The following PARL variants were observed in gnomAD, a reference collection of about 807,000 sequenced individuals.
PARL encodes presenilin associated rhomboid like.
In PARL, 44 loss-of-function variants were observed where a neutral mutation model predicts 51.6. That is an observed-to-expected ratio of 0.85 (90% CI 0.67 to 1.10). PARL has a LOEUF of 1.10. Ranked by LOEUF, PARL falls within the 50% of genes least tolerant of loss-of-function variation. The pLI is 0.00. For missense variants in PARL, 441 were observed against 469.5 expected (o/e 0.94, Z 0.56); for synonymous variants, 172 against 164.0 (o/e 1.05, Z -0.37).
intron 4 of PARL, among the ~76,000 whole-genome samples, chr3:183,852,107 T>C (rs1488744968): frequency 6.6e-6 from 1 of 152,110 alleles, no homozygotes; most frequent in African/African-American, 2.4e-5. Context: ...TAGTGAGCCA[T>C]GTTCATACAA....
chr3:183,833,433 G>A (rs1279582907), intron 9 of PARL, 59 bp downstream of exon 9: 3 of 1,004,450 alleles, frequency 3.0e-6, no homozygotes, highest in Non-Finnish European at 4.8e-6. Flanking sequence ...GTGAGGCTGG[G>A]GTAGGAGGAG....
downstream of PARL, among the ~76,000 whole-genome samples, chr3:183,828,339 A>T (rs369663228): frequency 1.3e-5 from 2 of 152,200 alleles, no homozygotes; most frequent in African/African-American, 2.4e-5. Flanking sequence ...TGGAAAACGC[A>T]TCTTGCCTCA....
At chr3:183,843,176 G>T (rs1227594848) in intron 5 of PARL, 3 of 981,298 alleles carry the variant, frequency 3.1e-6, no homozygotes, top group Non-Finnish European at 3.6e-6. Context: ...GAGTCACTAT[G>T]CCCAGCTTAA....
intron 1 of PARL, among the ~76,000 whole-genome samples, chr3:183,874,221 A>G (rs1343336597): frequency 6.6e-6 from 1 of 152,110 alleles, no homozygotes; most frequent in Non-Finnish European, 1.5e-5. Flanking sequence ...CAATGAACTT[A>G]ATAATGTTGT....
At chr3:183,881,921 G>A (rs1454026101) in intron 1 of PARL, among the ~76,000 whole-genome samples, 4 of 151,942 alleles carry the variant, frequency 2.6e-5, no homozygotes, top group Admixed American at 1.3e-4. Flanking sequence ...GATATTTTGA[G>A]GCTAGGCATG....
chr3:183,847,868 C>T (rs1471911888), intron 4 of PARL, among the ~76,000 whole-genome samples: 1 of 152,204 alleles, frequency 6.6e-6, no homozygotes, highest in Non-Finnish European at 1.5e-5. Flanking sequence ...GTTTCCTCCT[C>T]TCTCCTTTTC....
intron 1 of PARL, among the ~76,000 whole-genome samples, chr3:183,871,299 TA>T (rs2108689198): frequency 6.6e-6 from 1 of 152,190 alleles, no homozygotes; most frequent in Admixed American, 6.5e-5. Flanking sequence ...GGTGGTACTA[TA>T]TTCAAAGTAA....
chr3:183,871,415 A>C (rs2108689394), intron 1 of PARL, among the ~76,000 whole-genome samples: 2 of 151,982 alleles, frequency 1.3e-5, no homozygotes, highest in South Asian at 4.2e-4. Flanking sequence ...AAATGCTTGC[A>C]GTCATGGCAG....
chr3:183,874,945 G>A (rs552314441), intron 1 of PARL, among the ~76,000 whole-genome samples: 10 of 152,240 alleles, frequency 6.6e-5, no homozygotes, highest in African/African-American at 1.2e-4. Flanking sequence ...GGTGGCTTGC[G>A]CCTATAGTAC....
intron 9 of PARL, among the ~76,000 whole-genome samples, chr3:183,832,347 T>C (rs943930967): frequency 1.3e-5 from 2 of 151,592 alleles, no homozygotes; most frequent in Non-Finnish European, 2.9e-5. Context: ...GCCTCCCGAG[T>C]AGCTGGGACT....
At chr3:183,864,595 T>C (rs963012910) in intron 3 of PARL, among the ~76,000 whole-genome samples, 1 of 151,892 alleles carries the variant, frequency 6.6e-6, no homozygotes, top group Non-Finnish European at 1.5e-5. Flanking sequence ...GCTAACACGG[T>C]GAAACCCCGT....
intron 4 of PARL, 70 bp from the exon 5 acceptor site, chr3:183,844,396 C>A: frequency 1.0e-6 from 1 of 960,138 alleles, no homozygotes; most frequent in South Asian, 1.3e-5. Flanking sequence ...TACATTACCC[C>A]CTTGTAAGAT....
chr3:183,830,408 T>C (rs1727797318), intron 9 of PARL, among the ~76,000 whole-genome samples: 1 of 152,212 alleles, frequency 6.6e-6, no homozygotes, highest in Non-Finnish European at 1.5e-5. Flanking sequence ...TGGACTTTCC[T>C]GCAGCGTGTA....
rs1372511370 is a variant in PARL at position 183,830,995 on chromosome 3, TAGAC to T, written c.1029-1290_1029-1287del. On this transcript the variant is annotated intron_variant, in intron 9 of 9. Transcript: ENST00000317096. ...TGTTTTCCCAAATCTTTTTTGTTGTTAGACAGAGTCGCGCTCTGTTGCCCAGGCT... is the reference window on the plus strand; with the variant it reads ...TGTTTTCCCAAATCTTTTTTGTTGTTAGAGTCGCGCTCTGTTGCCCAGGCT... Among the ~76,000 whole-genome samples, 7 of 152,176 alleles carry T rather than the reference TAGAC, an allele frequency of 4.6e-5. 1 individual carries two copies. The highest frequency in any genetic ancestry group is 2.0e-4 in the Admixed American group (3 of 15,276).
At chr3:183,851,871 G>A (rs1730585743) in intron 4 of PARL, among the ~76,000 whole-genome samples, 1 of 152,046 alleles carries the variant, frequency 6.6e-6, no homozygotes, top group Non-Finnish European at 1.5e-5. Flanking sequence ...TAAAAAAAAG[G>A]AAAATAGGCC....
intron 9 of PARL, among the ~76,000 whole-genome samples, chr3:183,833,133 C>T (rs1043964432): frequency 1.3e-5 from 2 of 152,044 alleles, no homozygotes; most frequent in Non-Finnish European, 2.9e-5. Context: ...GGGTGGGACG[C>T]CAGGCAGGGG....
At chr3:183,834,920 G>A (rs919259611) in intron 7 of PARL, among the ~76,000 whole-genome samples, 7 of 150,440 alleles carry the variant, frequency 4.7e-5, no homozygotes, top group Admixed American at 1.3e-4. Context: ...TTAGCTGGGC[G>A]TGGTGGCGGA....
chr3:183,836,209 C>A (rs1728557518), intron 7 of PARL, among the ~76,000 whole-genome samples: 2 of 79,586 alleles, frequency 2.5e-5, no homozygotes, highest in Non-Finnish European at 4.4e-5. Context: ...AAGAACGAAA[C>A]TCCATCTCAA....
At chr3:183,882,222 A>T (rs866961980) in intron 1 of PARL, among the ~76,000 whole-genome samples, 749 of 46,058 alleles carry the variant, frequency 0.016, 17 homozygotes, top group South Asian at 0.044. Context: ...AAAAAAAAAA[A>T]ATATATATAT....
Sources: allele counts gnomAD v4.1 joint callset (sites outside exome capture counted in the v4.1 genomes callset), GRCh38; gene constraint gnomAD v4.1.1; transcripts MANE v1.5; gene names NCBI Gene and HGNC (gene_info 2026-07-23, HGNC 2026-07-21).